Variants in DNAI1 observed in about 807,000 individuals in gnomAD.
DNAI1 encodes the protein dynein axonemal intermediate chain 1, also known as dynein, axonemal, intermediate polypeptide 1.
In DNAI1, 67 loss-of-function variants were observed where a neutral mutation model predicts 92.0. The observed-to-expected ratio is 0.73, with a 90% CI of 0.60 to 0.89. DNAI1 has a LOEUF of 0.89. DNAI1 is among the 40% of genes least tolerant of loss of function. DNAI1 has a pLI of 0.00. For synonymous variants in DNAI1, 323 were observed against 319.6 expected (o/e 1.01, Z -0.11); for missense variants, 839 against 866.6 (o/e 0.97, Z 0.40).
rs1292921051 is a variant in DNAI1, at chr9:34,506,746, C to T, written c.1183C>T (p.His395Tyr). Residue 395 changes from histidine (H) to tyrosine (Y), a missense_variant, in exon 13 of 20, where the codon CAC (histidine) becomes TAC (tyrosine). Coordinates refer to ENST00000242317, the MANE Select transcript of DNAI1 (RefSeq NM_012144.4). The stretch of plus-strand genomic sequence containing the variant: ...CATGTGTCTCGACATCCACGTGGAC[C>T]ACCCCTACCTGGTGGCAGTAGGCCA... ...GVMCLDIHVD[H>Y]PYLVAVGHYD... The T allele has an allele frequency of 5.0e-6, 8 of 1,614,196 alleles. No homozygotes were observed. The highest frequency in any genetic ancestry group is 6.8e-6 in the Non-Finnish European group (8 of 1,180,044).
At chr9:34,484,712 T>C (rs183878002) in intron 2 of DNAI1, among the ~76,000 whole-genome samples, 244 of 152,302 alleles carry the variant, frequency 1.6e-3, no homozygotes, top group Non-Finnish European at 3.0e-3. Context: ...AAGGTGGTAG[T>C]TGGGAAGATA....
At chr9:34,512,527 A>G (rs1587090211) in intron 15 of DNAI1, 103 bp downstream of exon 15, 1 of 1,151,042 alleles carries the variant, frequency 8.7e-7, no homozygotes, top group Non-Finnish European at 1.3e-6. Flanking sequence ...TCCCTCCCCA[A>G]CCTGTGCCAG....
At chr9:34,519,912 A>C (rs146621322) in intron 19 of DNAI1, among the ~76,000 whole-genome samples, 353 of 152,284 alleles carry the variant, frequency 2.3e-3, no homozygotes, top group African/African-American at 7.7e-3. Context: ...TGGTCTGCCA[A>C]GGAGTTCTCA....
chr9:34,469,561 A>G (rs1824101869), intron 1 of DNAI1, among the ~76,000 whole-genome samples: 1 of 150,624 alleles, frequency 6.6e-6, no homozygotes. Flanking sequence ...TTTTCTTTCT[A>G]TTAATTTTCT....
chr9:34,506,783 A>G lies in DNAI1; in HGVS notation c.1220A>G (p.Asn407Ser), dbSNP rs1167531775. ...YLVAVGHYDG[N>S]VAIYNLKKPH... The stretch of plus-strand genomic sequence containing the variant: ...GTGGCAGTAGGCCACTATGACGGCA[A>G]CGTGGCCATTTACAACCTCAAGAAG... Residue 407 changes from asparagine to serine, a missense_variant, in exon 13 of 20, where the codon AAC becomes AGC. Physicochemically the swap from Asn to Ser is conservative, Grantham distance 46. Transcript: ENST00000242317. The G allele has an allele frequency of 3.1e-6, 5 of 1,614,048 alleles. No individual in the cohort carries two copies. The highest frequency in any genetic ancestry group is 4.2e-6 in the Non-Finnish European group (5 of 1,180,034).
chr9:34,494,081 G>A (rs1157809914), intron 9 of DNAI1, among the ~76,000 whole-genome samples: 3 of 152,102 alleles, frequency 2.0e-5, no homozygotes, highest in Admixed American at 1.3e-4. Flanking sequence ...GATCAGGATG[G>A]GTTTGACTTG....
At chr9:34,482,661 C>T (rs556766481) in intron 1 of DNAI1, among the ~76,000 whole-genome samples, 3 of 152,412 alleles carry the variant, frequency 2.0e-5, no homozygotes, top group Non-Finnish European at 2.9e-5. Context: ...TATAAAGACT[C>T]TCCACGTCCC....
intron 11 of DNAI1, 70 bp from the exon 12 acceptor site, chr9:34,501,068 G>A: frequency 7.5e-7 from 1 of 1,331,944 alleles, no homozygotes; most frequent in Non-Finnish European, 1.1e-6. Context: ...CAGTGCCAAT[G>A]GGAAGGCCCT....
chr9:34,495,430 T>C (rs1162374985), intron 9 of DNAI1, among the ~76,000 whole-genome samples: 1 of 152,210 alleles, frequency 6.6e-6, no homozygotes, highest in East Asian at 1.9e-4. Flanking sequence ...GCTCAGTTTT[T>C]CTGAAACCTC....
chr9:34,481,215 C>G (rs1824347066), intron 1 of DNAI1, among the ~76,000 whole-genome samples: 1 of 152,250 alleles, frequency 6.6e-6, no homozygotes, highest in Admixed American at 6.5e-5. Flanking sequence ...TGCACTCCAG[C>G]CTGGGCGAAA....
chr9:34,467,662 A>G (rs1397108613), intron 1 of DNAI1, among the ~76,000 whole-genome samples: 7 of 152,024 alleles, frequency 4.6e-5, no homozygotes, highest in Admixed American at 6.6e-5. Context: ...AAAATGCAGT[A>G]TATATATAAC....
Position 34,500,944 on chromosome 9 carries a change from C to T in DNAI1, c.1019+105C>T, listed in dbSNP as rs998134922. ...TAACCACCTTGAGTATGACATGTGA[C>T]AGTATAGAAAAATATGGAACTTGGA... On this transcript the variant is annotated intron_variant, in intron 11 of 19. Coordinates refer to ENST00000242317, the MANE Select transcript of DNAI1 (RefSeq NM_012144.4). The T allele has an allele frequency of 1.5e-5, 16 of 1,066,086 alleles. No individual in the cohort carries two copies. The African/African-American group carries it at 2.2e-4, about 15-fold the overall frequency. 66.0% of individuals were successfully genotyped at this position (1,066,086 alleles called of 1,614,324 possible).
chr9:34,513,160 T>C lies in DNAI1; in HGVS notation c.1538T>C (p.Leu513Pro), dbSNP rs1554691352. 1.9e-6 allele frequency: 3 copies of C among 1,614,142 alleles called. No individual in the cohort carries two copies. The highest frequency in any genetic ancestry group is 1.3e-5 in the African/African-American group (1 of 75,030). The change falls in exon 16 of 20, where the codon CTA (leucine) becomes CCA (proline). Residue 513 changes from leucine to proline, a missense_variant. Coordinates refer to ENST00000242317, the MANE Select transcript of DNAI1 (RefSeq NM_012144.4). ...DFHKEIDYMF[L>P]VGTEEGKIYK... ...CACAAAGAGATTGACTACATGTTCCTAGTGGGCACAGAGGAGGGAAAAATC... is the reference window on the plus strand; with the variant it reads ...CACAAAGAGATTGACTACATGTTCCCAGTGGGCACAGAGGAGGGAAAAATC...
Position 34,517,369 on chromosome 9 carries a change from G to A in DNAI1, c.1903G>A (p.Val635Met), listed in dbSNP as rs373062538. The change falls in exon 19 of 20, where the codon GTG (valine) becomes ATG (methionine). Residue 635 changes from valine to methionine, a missense_variant. Coordinates refer to ENST00000242317, the MANE Select transcript of DNAI1 (RefSeq NM_012144.4). ...GGCCAAAAAGAACAGGCTCACCCACGTGCAGTTCAATCTCATCCACCCCAT... is the reference window on the plus strand; with the variant it reads ...GGCCAAAAAGAACAGGCTCACCCACATGCAGTTCAATCTCATCCACCCCAT... ...VAAKKNRLTH[V>M]QFNLIHPIII... 19 of 1,614,166 alleles carry A rather than the reference G, an allele frequency of 1.2e-5. No individual in the cohort carries two copies. The highest frequency in any genetic ancestry group is 1.0e-4 in the Admixed American group (6 of 60,014).
At chr9:34,502,928 GAGA>G (rs1428250868) in intron 12 of DNAI1, among the ~76,000 whole-genome samples, 10 of 152,242 alleles carry the variant, frequency 6.6e-5, no homozygotes, top group Admixed American at 5.9e-4. Context: ...ACGCTTGAGA[GAGA>G]AGAAGTAAAC....
At chr9:34,517,157 C>T in intron 18 of DNAI1, 128 bp from the exon 19 acceptor site, 1 of 979,344 alleles carries the variant, frequency 1.0e-6, no homozygotes, top group Non-Finnish European at 1.6e-6. Context: ...CCTCCCTCCA[C>T]CTCCAGCTCC....
chr9:34,514,394 T>G lies in DNAI1; in HGVS notation c.1570T>G (p.Cys524Gly). The change falls in exon 17 of 20, where the codon TGC becomes GGC. Residue 524 changes from cysteine to glycine, a missense_variant and splice_region_variant. Coordinates refer to ENST00000242317, the MANE Select transcript of DNAI1 (RefSeq NM_012144.4). ...TGACCCCCGTTCCCTCCCCGACCAG[T>G]GCTCTAAATCCTACTCCAGCCAATT... ...VGTEEGKIYK[C>G]SKSYSSQFLD... 1.2e-6 allele frequency: 2 copies of G among 1,613,948 alleles called. No individual in the cohort carries two copies. Among genetic ancestry groups the G allele is most frequent in the Non-Finnish European group, 1.7e-6 (2 of 1,180,030 alleles).
chr9:34,475,224 G>C (rs1463773580), intron 1 of DNAI1, among the ~76,000 whole-genome samples: 1 of 152,198 alleles, frequency 6.6e-6, no homozygotes, highest in Non-Finnish European at 1.5e-5. Flanking sequence ...GCAAGCTGGT[G>C]AGGTATTTAG....
At chr9:34,487,254 C>T (rs892614702) in intron 4 of DNAI1, among the ~76,000 whole-genome samples, 5 of 151,874 alleles carry the variant, frequency 3.3e-5, no homozygotes, top group African/African-American at 7.3e-5. Flanking sequence ...GGCACAATCT[C>T]GCCTCACTGC....
Sources: allele counts gnomAD v4.1 joint callset (sites outside exome capture counted in the v4.1 genomes callset), GRCh38; gene constraint gnomAD v4.1.1; transcripts MANE v1.5; gene names NCBI Gene and HGNC (gene_info 2026-07-23, HGNC 2026-07-21).